Variants in ONECUT3 observed in about 807,000 individuals in gnomAD.
ONECUT3 encodes the protein one cut domain family member 3.
Under a neutral mutation model 16.8 loss-of-function variants are expected in ONECUT3, and 11 were observed. The ratio of observed to expected loss-of-function variants is 0.66; its 90% CI spans 0.41 to 1.09. ONECUT3 has a LOEUF of 1.09. ONECUT3 is among the 50% of genes least tolerant of loss of function. The pLI, the probability that ONECUT3 is intolerant of heterozygous loss-of-function variation, is 0.00. For synonymous variants in ONECUT3, 344 were observed against 310.7 expected (o/e 1.11, Z -1.13); for missense variants, 637 against 629.9 (o/e 1.01, Z -0.12).
Position 1,774,272 on chromosome 19 carries a change from T to C in ONECUT3, c.1193-881T>C, listed in dbSNP as rs558905107. Among the ~76,000 whole-genome samples, 5 of 152,184 alleles carry C rather than the reference T, an allele frequency of 3.3e-5. No homozygotes were observed. In the South Asian group the frequency reaches 1.0e-3, roughly 32 times the overall value. On this transcript the variant is annotated intron_variant, in intron 1 of 1. Coordinates refer to ENST00000382349, the MANE Select transcript of ONECUT3 (RefSeq NM_001080488.2). ...TCAGGCCTTACAGGAGTGTCGCTGC[T>C]GCTCATTCGTAGAGCTTGGTTGTCA...
rs577317642 is a variant in ONECUT3 at position 1,774,379 on chromosome 19, G to A, written c.1193-774G>A. Among the ~76,000 whole-genome samples, 97 of 151,262 alleles carry A rather than the reference G, an allele frequency of 6.4e-4. 1 individual carries two copies. The highest frequency in any genetic ancestry group is 2.3e-3 in the African/African-American group (95 of 41,078). ...GAGGATCACTTGAGGCCAGGCGTTC[G>A]AGACCAGCCTGGGCAACATAGCAAG... is the stretch of plus-strand genomic sequence containing the variant. On this transcript the variant is annotated intron_variant, in intron 1 of 1. Coordinates refer to ENST00000382349, the MANE Select transcript of ONECUT3 (RefSeq NM_001080488.2).
Position 1,754,187 on chromosome 19 carries a change from G to A in ONECUT3, c.525G>A (p.Arg175=). Residue 175 remains arginine, a synonymous_variant, in exon 1 of 2, where the codon CGG becomes CGA. Transcript: ENST00000382349. This position sits in a 1 kb window ranked among gnomAD's most constrained non-coding sequence, Gnocchi z 7.4. The part of the protein sequence containing the change: ...SGSFTLMRDE[R]AALASVGHLY... ...GCTTCACCCTCATGCGCGACGAGCG[G>A]GCGGCGCTCGCCTCCGTGGGCCACC... 1 of 1,161,026 alleles carries A rather than the reference G, an allele frequency of 8.6e-7. No individual in the cohort carries two copies. The highest frequency in any genetic ancestry group is 1.1e-6 in the Non-Finnish European group (1 of 932,466). The allele number at this position is 1,161,026 out of a possible 1,614,324, so 71.9% of individuals were successfully genotyped here.
At position 1,770,965 on chromosome 19, in the gene ONECUT3, C is replaced by T. The variant is rs566469142; in HGVS notation, c.1193-4188C>T. ...TATAATTACAAATACAGTCTGTTGC[C>T]TAAATTAACATTTAGTAATTAACAT... On this transcript the variant is annotated intron_variant, in intron 1 of 1. Coordinates refer to ENST00000382349, the MANE Select transcript of ONECUT3 (RefSeq NM_001080488.2). 1.2e-4 allele frequency among the ~76,000 whole-genome samples: 18 copies of T among 152,274 alleles called. 1 individual carries two copies. The East Asian group carries it at 3.3e-3, about 28-fold the overall frequency.
At chr19:1,768,747 G>A (rs1250204596) in intron 1 of ONECUT3, among the ~76,000 whole-genome samples, 1 of 152,104 alleles carries the variant, frequency 6.6e-6, no homozygotes, top group African/African-American at 2.4e-5. Context: ...ATCAGGGGGA[G>A]GTGAAGAAAA....
intron 1 of ONECUT3, among the ~76,000 whole-genome samples, chr19:1,768,599 G>A (rs2068016058): frequency 6.6e-6 from 1 of 152,234 alleles, no homozygotes. Context: ...GGTCTGTGTT[G>A]GGGGCCACTC....
At position 1,762,610 on chromosome 19, in the gene ONECUT3, A is replaced by T. The variant is rs578067518; in HGVS notation, c.1192+7756A>T. Among the ~76,000 whole-genome samples, 454 of 152,254 alleles carry T rather than the reference A, an allele frequency of 3.0e-3. 7 individuals are homozygous for T. Among genetic ancestry groups the T allele is most frequent in the African/African-American group, 0.011 (437 of 41,560 alleles). On this transcript the variant is annotated intron_variant, in intron 1 of 1. Transcript: ENST00000382349. This position sits in a 1 kb window ranked among gnomAD's most constrained non-coding sequence, Gnocchi z 4.4. ...GCCCGGCCCCCAACAGCCTGACAGG[A>T]CCTGGACGCACGTGCCCCGGCGCCA...
intron 1 of ONECUT3, among the ~76,000 whole-genome samples, chr19:1,772,822 T>C (rs1027164487): frequency 7.3e-5 from 11 of 149,946 alleles, no homozygotes; most frequent in Admixed American, 6.0e-4. Context: ...GCCTCCCGAG[T>C]AGCTGGGATT....
intron 1 of ONECUT3, among the ~76,000 whole-genome samples, chr19:1,773,576 G>A (rs1483696926): frequency 6.6e-6 from 1 of 152,202 alleles, no homozygotes; most frequent in Non-Finnish European, 1.5e-5. Context: ...TGCCATTCCA[G>A]TAGGCCACGA....
At position 1,776,825 on chromosome 19, in the gene ONECUT3, G is replaced by C. The variant is rs2145970277; in HGVS notation, c.*1380G>C. 6.8e-6 allele frequency: 1 copy of C among 146,634 alleles called. No homozygotes were observed. The highest frequency in any genetic ancestry group is 1.5e-5 in the Non-Finnish European group (1 of 66,642). The allele number at this position is 146,634 out of a possible 1,614,324, so 9.1% of individuals were successfully genotyped here. A position where few individuals can be genotyped will look rare whatever the true frequency, so the allele number is the denominator to read the frequency against. On this transcript the variant is annotated 3_prime_UTR_variant, in exon 2 of 2. Coordinates refer to ENST00000382349, the MANE Select transcript of ONECUT3 (RefSeq NM_001080488.2). The surrounding 1 kb of genome is among the most constrained non-coding windows in gnomAD (Gnocchi z 4.9). ...CCCTACCCCCCTTGAAAATGCAAAAGACATTTCTAGTGAAATGCCCCTCCC... is the reference window on the plus strand; with the variant it reads ...CCCTACCCCCCTTGAAAATGCAAAACACATTTCTAGTGAAATGCCCCTCCC...
chr19:1,754,766 G>A lies in ONECUT3; in HGVS notation c.1104G>A (p.Lys368=), dbSNP rs2067907831. The change falls in exon 1 of 2, where the codon AAG becomes AAA. Residue 368 remains lysine, a synonymous_variant. Transcript: ENST00000382349. The surrounding 1 kb of genome is among the most constrained non-coding windows in gnomAD (Gnocchi z 7.4). ...TGCGCAACCCCAAGCCGTGGAGCAA[G>A]CTCAAATCCGGCCGCGAGACCTTCC... ...DLLRNPKPWS[K]LKSGRETFRR... 1 of 1,571,310 alleles carries A rather than the reference G, an allele frequency of 6.4e-7. No homozygotes were observed. The highest frequency in any genetic ancestry group is 8.6e-7 in the Non-Finnish European group (1 of 1,161,008).
intron 1 of ONECUT3, among the ~76,000 whole-genome samples, chr19:1,761,329 A>G (rs1309015266): frequency 6.6e-6 from 1 of 152,094 alleles, no homozygotes; most frequent in African/African-American, 2.4e-5. Flanking sequence ...CTGGGATGAC[A>G]GGCATGAACC....
rs1434829335 is a variant in ONECUT3 at position 1,766,651 on chromosome 19, G to A, written c.1193-8502G>A. Among the ~76,000 whole-genome samples, 2 of 151,834 alleles carry A rather than the reference G, an allele frequency of 1.3e-5. No individual in the cohort carries two copies. The highest frequency in any genetic ancestry group is 4.8e-5 in the African/African-American group (2 of 41,328). The stretch of plus-strand genomic sequence containing the variant: ...TGGAGGGTGATGGGGGTTGACAGGT[G>A]GGCCCCAGCTTGGGTTGCAGCAATG... On this transcript the variant is annotated intron_variant, in intron 1 of 1. Coordinates refer to ENST00000382349, the MANE Select transcript of ONECUT3 (RefSeq NM_001080488.2). The surrounding 1 kb of genome is among the most constrained non-coding windows in gnomAD (Gnocchi z 4.0).
chr19:1,777,753 G>C lies in ONECUT3; in HGVS notation c.*2308G>C, dbSNP rs1050708479. On this transcript the variant is annotated 3_prime_UTR_variant, in exon 2 of 2. Transcript: ENST00000382349. ...TTCACGCCTGGAATCCCAGCATTTT[G>C]GGAGGCCGAGGCGGGTGGATCACAA... 6.6e-6 allele frequency: 1 copy of C among 152,144 alleles called. No individual in the cohort carries two copies. The highest frequency in any genetic ancestry group is 1.5e-5 in the Non-Finnish European group (1 of 68,048). 9.4% of individuals were successfully genotyped at this position (152,144 alleles called of 1,614,324 possible).
rs572946101 is a variant in ONECUT3, at chr19:1,766,473, G to C, written c.1193-8680G>C. On this transcript the variant is annotated intron_variant, in intron 1 of 1. Coordinates refer to ENST00000382349, the MANE Select transcript of ONECUT3 (RefSeq NM_001080488.2). This position sits in a 1 kb window ranked among gnomAD's most constrained non-coding sequence, Gnocchi z 4.0. ...GAAGGAGGAGGAGGGGGAGAGGGAA[G>C]GAAGGGAAGTGAGGGAAGGAAGGGG... is the stretch of plus-strand genomic sequence containing the variant. Among the ~76,000 whole-genome samples, 1 of 151,494 alleles carries C rather than the reference G, an allele frequency of 6.6e-6. No individual in the cohort carries two copies. Among genetic ancestry groups the C allele is most frequent in the Non-Finnish European group, 1.5e-5 (1 of 67,868 alleles).
At position 1,755,378 on chromosome 19, in the gene ONECUT3, G is replaced by A. The variant is rs2067911271; in HGVS notation, c.1192+524G>A. ...CCTGCAGCTCAGCAGCAGAGGCCGA[G>A]CCCGCGCTCATCCCCCCACCTGCCC... On this transcript the variant is annotated intron_variant, in intron 1 of 1. Coordinates refer to ENST00000382349, the MANE Select transcript of ONECUT3 (RefSeq NM_001080488.2). The surrounding 1 kb of genome is among the most constrained non-coding windows in gnomAD (Gnocchi z 7.5). Among the ~76,000 whole-genome samples the A allele has an allele frequency of 6.6e-6, 1 of 152,064 alleles. No individual in the cohort carries two copies. Among genetic ancestry groups the A allele is most frequent in the Non-Finnish European group, 1.5e-5 (1 of 67,998 alleles).
rs755767935 is a variant in ONECUT3 at position 1,780,673 on chromosome 19, G to A, written c.*5228G>A. 1 of 152,244 alleles carries A rather than the reference G, an allele frequency of 6.6e-6. No homozygotes were observed. Among genetic ancestry groups the A allele is most frequent in the Non-Finnish European group, 1.5e-5 (1 of 68,070 alleles). The allele number at this position is 152,244 out of a possible 1,614,324, so 9.4% of individuals were successfully genotyped here. ...CAGGATGCTCCTTGCACCAGCAGGA[G>A]CTTGGGCCATTTCACATTCTCTGCC... On this transcript the variant is annotated 3_prime_UTR_variant, in exon 2 of 2. Coordinates refer to ENST00000382349, the MANE Select transcript of ONECUT3 (RefSeq NM_001080488.2).
rs71174387 is a variant in ONECUT3, at chr19:1,779,984, A to AC, written c.*4546dup. 8,741 of 150,248 alleles carry AC rather than the reference A, an allele frequency of 0.058. 287 individuals are homozygous for AC. The highest frequency in any genetic ancestry group is 0.087 in the African/African-American group (3,514 of 40,382). The allele number at this position is 150,248 out of a possible 1,614,324, so 9.3% of individuals were successfully genotyped here. A position where few individuals can be genotyped will look rare whatever the true frequency, so the allele number is the denominator to read the frequency against. The stretch of plus-strand genomic sequence containing the variant: ...CACTCTGGTGTCATCGATATCTTAG[A>AC]CCCCCCCAACCCCCCATCACCCGGT... On this transcript the variant is annotated 3_prime_UTR_variant, in exon 2 of 2. Transcript: ENST00000382349.
At chr19:1,770,924 T>A (rs2068048796) in intron 1 of ONECUT3, among the ~76,000 whole-genome samples, 1 of 152,204 alleles carries the variant, frequency 6.6e-6, no homozygotes, top group Admixed American at 6.5e-5. Context: ...ACTCTCCCTC[T>A]CTGTCAGTCT....
In ONECUT3 at chr19:1,761,781, C is replaced by T. The variant is rs182482959; in HGVS notation, c.1192+6927C>T. On this transcript the variant is annotated intron_variant, in intron 1 of 1. Transcript: ENST00000382349. ...ACCTTGGGCAGCCTTGGGACACCTACGGCCTCAGTTTTCCCTCTGCCAAGT... is the reference window on the plus strand; with the variant it reads ...ACCTTGGGCAGCCTTGGGACACCTATGGCCTCAGTTTTCCCTCTGCCAAGT... Among the ~76,000 whole-genome samples, 8 of 152,332 alleles carry T rather than the reference C, an allele frequency of 5.3e-5. No homozygotes were observed. In the East Asian group the frequency reaches 5.8e-4, roughly 11 times the overall value.
Sources: allele counts gnomAD v4.1 joint callset (sites outside exome capture counted in the v4.1 genomes callset), GRCh38; gene constraint gnomAD v4.1.1; non-coding constraint Gnocchi (gnomAD v3.1); transcripts MANE v1.5; gene names NCBI Gene and HGNC (gene_info 2026-07-23, HGNC 2026-07-21).